PCNX3: variants seen among roughly 807,000 people sequenced by gnomAD.
The protein encoded by PCNX3 is pecanex 3, also known as pecanex-like protein 3.
In PCNX3, 58 loss-of-function variants were observed where a neutral mutation model predicts 207.2. The ratio of observed to expected loss-of-function variants is 0.28; its 90% CI spans 0.23 to 0.35. The LOEUF is 0.35. Among genes scored for constraint, PCNX3 ranks in the 10% least tolerant of loss-of-function variants. The pLI is 1.00. For synonymous variants in PCNX3, 1,337 were observed against 1,183.5 expected (o/e 1.13, Z -2.66); for missense variants, 2,410 against 2,774.4 (o/e 0.87, Z 2.95).
Position 65,635,910 on chromosome 11 carries a change from C to A in PCNX3, c.5459+107C>A. On this transcript the variant is annotated intron_variant, in intron 32 of 34. Coordinates refer to ENST00000355703, the MANE Select transcript of PCNX3 (RefSeq NM_032223.4). The surrounding 1 kb of genome is among the most constrained non-coding windows in gnomAD (Gnocchi z 9.9). ...CGTGCTGGAGCCAGGGCTTGAATCC[C>A]GAGAGATGACCCCCTCCCAGAGCTG... 1 of 1,417,220 alleles carries A rather than the reference C, an allele frequency of 7.1e-7. No homozygotes were observed. The highest frequency in any genetic ancestry group is 9.4e-7 in the Non-Finnish European group (1 of 1,067,138). 87.8% of individuals were successfully genotyped at this position (1,417,220 alleles called of 1,614,324 possible). A position where few individuals can be genotyped will look rare whatever the true frequency, so the allele number is the denominator to read the frequency against.
chr11:65,624,037 G>A, intron 13 of PCNX3, 76 bp downstream of exon 13: 2 of 1,596,104 alleles, frequency 1.3e-6, no homozygotes, highest in Non-Finnish European at 1.7e-6. Context: ...GGAGGGTAGG[G>A]TATGGAGGGC....
chr11:65,617,846 T>C (rs1854829769), intron 5 of PCNX3, 94 bp from the exon 6 acceptor site: 1 of 1,468,146 alleles, frequency 6.8e-7, no homozygotes, highest in Non-Finnish European at 9.2e-7. Flanking sequence ...GGCTGGGCTC[T>C]CAGGGAAAGT....
At chr11:65,624,112 A>G in intron 13 of PCNX3, 83 bp from the exon 14 acceptor site, 5 of 1,564,078 alleles carry the variant, frequency 3.2e-6, no homozygotes, top group Non-Finnish European at 4.3e-6. Context: ...ACCCAGGGCC[A>G]GGCCTGGGGC....
At chr11:65,624,619 G>A in intron 15 of PCNX3, 38 bp downstream of exon 15, 3 of 1,520,766 alleles carry the variant, frequency 2.0e-6, no homozygotes. Context: ...TGGGGCCCGT[G>A]TGGAGGCCCA....
At position 65,635,865 on chromosome 11, in the gene PCNX3, C is replaced by T. The variant is rs1855811631; in HGVS notation, c.5459+62C>T. 29 of 1,527,646 alleles carry T rather than the reference C, an allele frequency of 1.9e-5. No individual in the cohort carries two copies. Among genetic ancestry groups the T allele is most frequent in the Non-Finnish European group, 2.5e-5 (29 of 1,137,560 alleles). 94.6% of individuals were successfully genotyped at this position (1,527,646 alleles called of 1,614,324 possible). A position where few individuals can be genotyped will look rare whatever the true frequency, so the allele number is the denominator to read the frequency against. On this transcript the variant is annotated intron_variant, in intron 32 of 34. Coordinates refer to ENST00000355703, the MANE Select transcript of PCNX3 (RefSeq NM_032223.4). The surrounding 1 kb of genome is among the most constrained non-coding windows in gnomAD (Gnocchi z 9.9). ...GGAAGCTGAGGTGCAGTACGTCCCT[C>T]CTGGGTCTCAGAGGGAGGACGTGCT... is the stretch of plus-strand genomic sequence containing the variant.
Position 65,634,368 on chromosome 11 carries a change from C to A in PCNX3, c.4701+12C>A. 1 of 1,562,738 alleles carries A rather than the reference C, an allele frequency of 6.4e-7. No homozygotes were observed. Among genetic ancestry groups the A allele is most frequent in the Non-Finnish European group, 8.7e-7 (1 of 1,153,330 alleles). On this transcript the variant is annotated intron_variant, in intron 28 of 34. Transcript: ENST00000355703. ...CCCGGCGCAGCCAGGTCAGGCTCCA[C>A]TACCTGAGGCTGCCACCTGGGGCTG...
At position 65,628,838 on chromosome 11, in the gene PCNX3, C is replaced by T; in HGVS notation, c.3831C>T (p.Val1277=). 2 of 1,612,054 alleles carry T rather than the reference C, an allele frequency of 1.2e-6. No individual in the cohort carries two copies. Among genetic ancestry groups the T allele is most frequent in the Non-Finnish European group, 1.7e-6 (2 of 1,179,808 alleles). ...GCTCAGACTCGGCCATGCTGTTCGT[C>T]CAGGCCCTGCTCTCGGGGCTCTTCT... The part of the protein sequence containing the change: ...FAVPHSAMLF[V]QALLSGLFST... The change falls in exon 24 of 35, where the codon GTC becomes GTT. Residue 1277 remains valine, a synonymous_variant. Transcript: ENST00000355703.
rs891074770 is a variant in PCNX3 at position 65,625,775 on chromosome 11, C to T, written c.3228+31C>T. 2.0e-5 allele frequency: 32 copies of T among 1,601,950 alleles called. No individual in the cohort carries two copies. The highest frequency in any genetic ancestry group is 4.5e-5 in the East Asian group (2 of 44,684). ...TGTGGCATGGGCCGCTGCTGCCTCT[C>T]GCTGTCTTGGCGGGAGCCTGCTCAA... On this transcript the variant is annotated intron_variant, in intron 19 of 34. Coordinates refer to ENST00000355703, the MANE Select transcript of PCNX3 (RefSeq NM_032223.4). The surrounding 1 kb of genome is among the most constrained non-coding windows in gnomAD (Gnocchi z 5.6).
chr11:65,636,077 G>GT, intron 32 of PCNX3, 97 bp from the exon 33 acceptor site: 1 of 1,499,334 alleles, frequency 6.7e-7, no homozygotes, highest in Non-Finnish European at 9.1e-7. Context: ...GCTCAGAGGT[G>GT]TTAGATGACT....
At position 65,616,280 on chromosome 11, in the gene PCNX3, G is replaced by A. The variant is rs746218365; in HGVS notation, c.-32G>A. 2 of 1,528,038 alleles carry A rather than the reference G, an allele frequency of 1.3e-6. No homozygotes were observed. Among genetic ancestry groups the A allele is most frequent in the East Asian group, 5.0e-5 (2 of 40,100 alleles). 94.7% of individuals were successfully genotyped at this position (1,528,038 alleles called of 1,614,324 possible). A position where few individuals can be genotyped will look rare whatever the true frequency, so the allele number is the denominator to read the frequency against. ...GGGGGCCGCCCCCATGAGGGTCCCGGGAGGGGGGGCGCGGGCAGCAGCGGC... is the reference window on the plus strand; with the variant it reads ...GGGGGCCGCCCCCATGAGGGTCCCGAGAGGGGGGGCGCGGGCAGCAGCGGC... On this transcript the variant is annotated 5_prime_UTR_variant, in exon 1 of 35. Transcript: ENST00000355703.
At chr11:65,620,746 C>A in intron 9 of PCNX3, 85 bp from the exon 10 acceptor site, 7 of 1,529,846 alleles carry the variant, frequency 4.6e-6, no homozygotes, top group Non-Finnish European at 6.2e-6. Flanking sequence ...GACAGCCCTA[C>A]CTGCCTGGCC....
In PCNX3 at chr11:65,637,170, G is replaced by T; in HGVS notation, c.*192G>T. On this transcript the variant is annotated 3_prime_UTR_variant, in exon 35 of 35. Coordinates refer to ENST00000355703, the MANE Select transcript of PCNX3 (RefSeq NM_032223.4). ...TGACCCCTGATCTCTCTCATCCCCA[G>T]TCCAGGGCCTGGGCTCCCCAGATGG... 6.2e-6 allele frequency: 4 copies of T among 647,264 alleles called. No homozygotes were observed. In the South Asian group the frequency reaches 7.9e-5, roughly 13 times the overall value. The allele number at this position is 647,264 out of a possible 1,614,324, so 40.1% of individuals were successfully genotyped here. A position where few individuals can be genotyped will look rare whatever the true frequency, so the allele number is the denominator to read the frequency against.
At position 65,616,428 on chromosome 11, in the gene PCNX3, G is replaced by C; in HGVS notation, c.117G>C (p.Trp39Cys). The change falls in exon 1 of 35, where the codon TGG becomes TGC. Residue 39 changes from tryptophan (W) to cysteine (C), a missense_variant. This residue lies in a region of PCNX3 where 1,104 missense variants were observed against 970.3 expected (regional missense o/e 1.14). Coordinates refer to ENST00000355703, the MANE Select transcript of PCNX3 (RefSeq NM_032223.4). ...CCAACTGCTTCCACCTCTATGTCTGGATCTTCCTGCTCATCTTTCCCTTCT... is the reference window on the plus strand; with the variant it reads ...CCAACTGCTTCCACCTCTATGTCTGCATCTTCCTGCTCATCTTTCCCTTCT... ...TFSNCFHLYVWIFLLIFPFLL... is the reference protein window; with the variant it reads ...TFSNCFHLYVCIFLLIFPFLL... 6.2e-7 allele frequency: 1 copy of C among 1,609,826 alleles called. No individual in the cohort carries two copies. Among genetic ancestry groups the C allele is most frequent in the Non-Finnish European group, 8.5e-7 (1 of 1,179,486 alleles).
Position 65,635,515 on chromosome 11 carries a change from C to T in PCNX3, c.5185-14C>T, listed in dbSNP as rs183187409. 7.5e-4 allele frequency: 1,199 copies of T among 1,608,628 alleles called. 18 individuals carry two copies. In the East Asian group the frequency reaches 0.023, roughly 31 times the overall value. On this transcript the variant is annotated splice_polypyrimidine_tract_variant and intron_variant, in intron 31 of 34. Coordinates refer to ENST00000355703, the MANE Select transcript of PCNX3 (RefSeq NM_032223.4). The surrounding 1 kb of genome is among the most constrained non-coding windows in gnomAD (Gnocchi z 9.9). Reference sequence around the variant, plus strand: ...CCTTGGGCCGGCCCCCTGACCCTGGCGTGTGGCTCTCAGGTGAACCGGGAG... The same window carrying T: ...CCTTGGGCCGGCCCCCTGACCCTGGTGTGTGGCTCTCAGGTGAACCGGGAG...
intron 1 of PCNX3, 67 bp downstream of exon 1, chr11:65,616,531 C>A: frequency 6.6e-7 from 1 of 1,515,270 alleles, no homozygotes; most frequent in Non-Finnish European, 8.9e-7. Context: ...GGATTCAGGG[C>A]AGTGCCCTGG....
chr11:65,625,864 T>G lies in PCNX3; in HGVS notation c.3229-40T>G. ...GGTGGCCCTCTGTGGTCCCTTGGCC[T>G]GCTCCCATCAGCTGAGTCTCTGGCC... On this transcript the variant is annotated intron_variant, in intron 19 of 34. Transcript: ENST00000355703. The surrounding 1 kb of genome is among the most constrained non-coding windows in gnomAD (Gnocchi z 5.6). The G allele has an allele frequency of 6.2e-7, 1 of 1,604,424 alleles. No individual in the cohort carries two copies. The highest frequency in any genetic ancestry group is 8.5e-7 in the Non-Finnish European group (1 of 1,174,634).
chr11:65,635,888 G>C lies in PCNX3; in HGVS notation c.5459+85G>C. The stretch of plus-strand genomic sequence containing the variant: ...CTCCTGGGTCTCAGAGGGAGGACGT[G>C]CTGGAGCCAGGGCTTGAATCCCGAG... On this transcript the variant is annotated intron_variant, in intron 32 of 34. Coordinates refer to ENST00000355703, the MANE Select transcript of PCNX3 (RefSeq NM_032223.4). This position sits in a 1 kb window ranked among gnomAD's most constrained non-coding sequence, Gnocchi z 9.9. The C allele has an allele frequency of 6.8e-7, 1 of 1,471,316 alleles. No homozygotes were observed. The highest frequency in any genetic ancestry group is 1.4e-5 in the South Asian group (1 of 72,510). The allele number at this position is 1,471,316 out of a possible 1,614,324, so 91.1% of individuals were successfully genotyped here.
chr11:65,622,302 C>T lies in PCNX3; in HGVS notation c.2293C>T (p.Leu765Phe), dbSNP rs1403455481. The change falls in exon 11 of 35, where the codon CTT (leucine) becomes TTT (phenylalanine). Residue 765 changes from leucine (L) to phenylalanine (F), a missense_variant. Around this residue, in one of 8 missense-constraint regions of PCNX3, gnomAD observed 177 missense variants for 257.5 expected, o/e 0.69. Transcript: ENST00000355703. ...PRAQHSYKYW[L>F]LPGRWTSVRY... ...GGCCCAGCATAGTTACAAGTACTGG[C>T]TTCTCCCTGGCCGCTGGACCTCTGT... is the stretch of plus-strand genomic sequence containing the variant. 2 of 1,598,660 alleles carry T rather than the reference C, an allele frequency of 1.3e-6. No individual in the cohort carries two copies. Among genetic ancestry groups the T allele is most frequent in the South Asian group, 1.1e-5 (1 of 88,170 alleles).
intron 12 of PCNX3, 67 bp downstream of exon 12, chr11:65,623,711 CCA>C: frequency 6.3e-7 from 1 of 1,584,572 alleles, no homozygotes. Context: ...TCCCACAACT[CCA>C]GTTTTAAGGA....
Sources: allele counts gnomAD v4.1 joint callset, GRCh38; gene constraint gnomAD v4.1.1; regional missense constraint gnomAD v4.1.1; non-coding constraint Gnocchi (gnomAD v3.1); transcripts MANE v1.5; gene names NCBI Gene and HGNC (gene_info 2026-07-23, HGNC 2026-07-21).